Variants in ZNF606 observed in about 807,000 individuals in gnomAD.
ZNF606 encodes the protein zinc finger protein 606.
ZNF606 carries 37 observed loss-of-function variants against 74.9 expected under a neutral mutation model. The observed-to-expected ratio is 0.49, with a 90% CI of 0.38 to 0.65. The LOEUF is 0.65. Ranked by LOEUF, ZNF606 falls within the 30% of genes least tolerant of loss-of-function variation. The probability of loss-of-function intolerance (pLI) is 0.00; values close to 1 mark genes in which losing one functional copy is unlikely to be tolerated. For missense variants in ZNF606, 852 were observed against 952.9 expected, an observed-to-expected ratio of 0.89 and a Z score of 1.39; for synonymous variants, 328 against 312.4, an observed-to-expected ratio of 1.05 and a Z score of -0.53.
chr19:58,002,223 T>G (rs774565935), intron 1 of ZNF606, 173 bp downstream of exon 1: 7 of 456,686 alleles, frequency 1.5e-5, no homozygotes, highest in African/African-American at 2.0e-5. Context: ...TCCTTCACAG[T>G]GCTTTGTGTG....
rs2073017653 is a variant in ZNF606 at position 57,978,178 on chromosome 19, T to C, written c.*123A>G. On this transcript the variant is annotated 3_prime_UTR_variant, in exon 7 of 7. Transcript: ENST00000551380. This position sits in a 1 kb window ranked among gnomAD's most constrained non-coding sequence, Gnocchi z 4.4. ...GGGTTTCTTCTAAGATGATATTTTC[T>C]AGTAAATAATGTGGGAGAAGTCTTA... 3 of 979,910 alleles carry C rather than the reference T, an allele frequency of 3.1e-6. No homozygotes were observed. The highest frequency in any genetic ancestry group is 4.3e-6 in the Non-Finnish European group (3 of 690,950). The allele number at this position is 979,910 out of a possible 1,614,324, so 60.7% of individuals were successfully genotyped here. A position where few individuals can be genotyped will look rare whatever the true frequency, so the allele number is the denominator to read the frequency against.
intron 4 of ZNF606, among the ~76,000 whole-genome samples, chr19:57,992,681 G>A (rs1294173453): frequency 6.6e-6 from 1 of 152,224 alleles, no homozygotes; most frequent in Non-Finnish European, 1.5e-5. Context: ...TAAAGGTATT[G>A]TGGTTTCTTC....
chr19:57,982,235 T>C (rs2073095125), intron 6 of ZNF606, among the ~76,000 whole-genome samples: 1 of 152,082 alleles, frequency 6.6e-6, no homozygotes, highest in African/African-American at 2.4e-5. Flanking sequence ...GCTGCCCCAA[T>C]TCCTTGGCTC....
At chr19:57,991,147 GC>G (rs1180392041) in intron 4 of ZNF606, among the ~76,000 whole-genome samples, 3 of 152,022 alleles carry the variant, frequency 2.0e-5, no homozygotes, top group African/African-American at 7.2e-5. Context: ...TTCCTCCTCT[GC>G]CTTTATTATC....
At position 57,980,170 on chromosome 19, in the gene ZNF606, C is replaced by G. The variant is rs755419637; in HGVS notation, c.510G>C (p.Trp170Cys). ...ATCCCAAAACTTCTAACCTGGAGAA[C>G]CAAGGATCATCCCATATATATCTTT... ...KLERYIWDDP[W>C]FSRLEVLGCK... The change falls in exon 7 of 7, where the codon TGG becomes TGC. Residue 170 changes from tryptophan (W) to cysteine (C), a missense_variant. Trp to Cys is a radical substitution (Grantham distance 215). Transcript: ENST00000551380. 4 of 1,614,166 alleles carry G rather than the reference C, an allele frequency of 2.5e-6. No homozygotes were observed. The highest frequency in any genetic ancestry group is 2.5e-6 in the Non-Finnish European group (3 of 1,180,028).
chr19:57,986,911 T>C (rs1185712214), intron 6 of ZNF606, among the ~76,000 whole-genome samples: 1 of 152,092 alleles, frequency 6.6e-6, no homozygotes, highest in Non-Finnish European at 1.5e-5. Flanking sequence ...TAGTGAGACC[T>C]TGTCTCTACA....
chr19:57,983,081 G>A (rs192597147), intron 6 of ZNF606, among the ~76,000 whole-genome samples: 24 of 152,276 alleles, frequency 1.6e-4, no homozygotes, highest in Admixed American at 1.6e-3. Context: ...TTTTACAAAT[G>A]GAAGCTGACC....
rs769717635 is a variant in ZNF606, at chr19:57,978,991, A to G, written c.1689T>C (p.Ser563=). Residue 563 remains serine, a synonymous_variant, in exon 7 of 7, where the codon TCT becomes TCC. Transcript: ENST00000551380. The surrounding 1 kb of genome is among the most constrained non-coding windows in gnomAD (Gnocchi z 4.4). ...SALSKHERTH[S]GAKPYKCTEC... Reference sequence around the variant, plus strand: ...CAGTACATTTATATGGTTTTGCTCCAGAATGAGTTCTTTCATGTTTACTAA... The same window carrying G: ...CAGTACATTTATATGGTTTTGCTCCGGAATGAGTTCTTTCATGTTTACTAA... 2.7e-5 allele frequency: 44 copies of G among 1,613,558 alleles called. No homozygotes were observed. The highest frequency in any genetic ancestry group is 7.6e-6 in the Non-Finnish European group (9 of 1,179,916).
Position 57,988,224 on chromosome 19 carries a change from G to T in ZNF606, c.383C>A (p.Pro128His), listed in dbSNP as rs765724446. The T allele has an allele frequency of 1.9e-6, 3 of 1,613,984 alleles. No homozygotes were observed. Among genetic ancestry groups the T allele is most frequent in the East Asian group, 2.2e-5 (1 of 44,862 alleles). The change falls in exon 6 of 7, where the codon CCT becomes CAT. Residue 128 changes from proline to histidine, a missense_variant. Transcript: ENST00000551380. ...EEPWSVEQACPQRTCPEWVRN... is the reference protein window; with the variant it reads ...EEPWSVEQACHQRTCPEWVRN... ...GCCCTCACCTGGACAAGTGCGTTGA[G>T]GACATGCCTGCTCCACTGACCACGG...
At chr19:57,984,272 G>A (rs557535708) in intron 6 of ZNF606, among the ~76,000 whole-genome samples, 4 of 152,318 alleles carry the variant, frequency 2.6e-5, no homozygotes, top group East Asian at 3.9e-4. Flanking sequence ...TGGTTCTATC[G>A]GCTGTGATCA....
intron 4 of ZNF606, among the ~76,000 whole-genome samples, chr19:57,990,419 C>T (rs2073240311): frequency 1.3e-5 from 2 of 151,450 alleles, no homozygotes; most frequent in African/African-American, 2.4e-5. Flanking sequence ...CACCTGTAGT[C>T]CCAGCTACTG....
intron 6 of ZNF606, among the ~76,000 whole-genome samples, chr19:57,983,207 G>T (rs2073113272): frequency 6.6e-6 from 1 of 152,184 alleles, no homozygotes; most frequent in African/African-American, 2.4e-5. Flanking sequence ...GACAAGGCAA[G>T]AAAGTACGGT....
chr19:57,999,477 C>G (rs2073384425), intron 4 of ZNF606: 1 of 424,294 alleles, frequency 2.4e-6, no homozygotes, highest in Non-Finnish European at 4.2e-6. Flanking sequence ...ACAGCAGGCA[C>G]TGCACAGCAT....
chr19:57,979,674 G>C lies in ZNF606; in HGVS notation c.1006C>G (p.Pro336Ala), dbSNP rs779731607. 4.3e-6 allele frequency: 7 copies of C among 1,613,414 alleles called. No homozygotes were observed. The Admixed American group carries it at 1.2e-4, about 27-fold the overall frequency. Residue 336 changes from proline to alanine, a missense_variant, in exon 7 of 7, where the codon CCA becomes GCA. This residue lies in a region of ZNF606 where 545 missense variants were observed against 542.5 expected (regional missense o/e 1.00). Coordinates refer to ENST00000551380, the MANE Select transcript of ZNF606 (RefSeq NM_001348022.3). ...TGGTTTTCTCCAACATGAAGCCTTG[G>C]GTGTTCATTAAATGATGGGCTCTGG... Reference protein sequence around the residue: ...FNQSPSFNEHPRLHVGENQYN... With the variant: ...FNQSPSFNEHARLHVGENQYN...
At chr19:57,996,804 C>T (rs2073347852) in intron 4 of ZNF606, among the ~76,000 whole-genome samples, 1 of 152,136 alleles carries the variant, frequency 6.6e-6, no homozygotes, top group Non-Finnish European at 1.5e-5. Flanking sequence ...CCAATCACAT[C>T]CTAGGATGAC....
chr19:58,001,268 A>G, intron 2 of ZNF606, 21 bp downstream of exon 2: 1 of 1,612,034 alleles, frequency 6.2e-7, no homozygotes, highest in South Asian at 1.1e-5. Flanking sequence ...GAGGCCCAGG[A>G]GAAACACAAC....
At position 57,979,406 on chromosome 19, in the gene ZNF606, T is replaced by C; in HGVS notation, c.1274A>G (p.Glu425Gly). 2 of 1,613,796 alleles carry C rather than the reference T, an allele frequency of 1.2e-6. No homozygotes were observed. Among genetic ancestry groups the C allele is most frequent in the Non-Finnish European group, 1.7e-6 (2 of 1,179,936 alleles). Reference protein sequence around the residue: ...LIQHKKTHTGEKPYECDKCGK... With the variant: ...LIQHKKTHTGGKPYECDKCGK... The stretch of plus-strand genomic sequence containing the variant: ...ACATTTATCACATTCATAGGGTTTT[T>C]CTCCAGTATGAGTTTTCTTATGTTG... The change falls in exon 7 of 7, where the codon GAA (glutamate) becomes GGA (glycine). Residue 425 changes from glutamate (E) to glycine (G), a missense_variant. Glu to Gly is a moderately conservative substitution (Grantham distance 98). Around this residue, in one of 3 missense-constraint regions of ZNF606, gnomAD observed 545 missense variants for 542.5 expected, o/e 1.00. Coordinates refer to ENST00000551380, the MANE Select transcript of ZNF606 (RefSeq NM_001348022.3).
At chr19:57,982,727 G>A (rs1303871064) in intron 6 of ZNF606, among the ~76,000 whole-genome samples, 2 of 152,026 alleles carry the variant, frequency 1.3e-5, no homozygotes, top group Non-Finnish European at 2.9e-5. Flanking sequence ...TCAAATTACT[G>A]GGCTCAGGCA....
At chr19:57,999,224 C>G (rs1433030605) in intron 4 of ZNF606, 1 of 152,938 alleles carries the variant, frequency 6.5e-6, no homozygotes, top group Admixed American at 6.5e-5. Context: ...GTCTACGAAG[C>G]AGCCTTCCCC....
Sources: allele counts gnomAD v4.1 joint callset (sites outside exome capture counted in the v4.1 genomes callset), GRCh38; gene constraint gnomAD v4.1.1; regional missense constraint gnomAD v4.1.1; non-coding constraint Gnocchi (gnomAD v3.1); transcripts MANE v1.5; gene names NCBI Gene and HGNC (gene_info 2026-07-23, HGNC 2026-07-21).